CREM: variants seen among roughly 807,000 people sequenced by gnomAD.
CREM encodes the protein cAMP responsive element modulator.
A neutral mutation model predicts 37.3 loss-of-function variants in CREM; 13 were observed. That is an observed-to-expected ratio of 0.35 (90% CI 0.23 to 0.55). The LOEUF (loss-of-function observed/expected upper bound fraction) is 0.55, where lower values mean the gene tolerates loss of function less well. CREM is among the 20% of genes least tolerant of loss of function. CREM has a pLI of 0.88. For missense variants in CREM, 296 were observed against 362.3 expected (o/e 0.82, Z 1.49); for synonymous variants, 124 against 120.2 (o/e 1.03, Z -0.21).
In CREM at chr10:35,168,158, C is replaced by T. The variant is rs181434491; in HGVS notation, c.169-10731C>T. 2.9e-3 allele frequency among the ~76,000 whole-genome samples: 437 copies of T among 152,248 alleles called. 2 individuals carry two copies. The highest frequency in any genetic ancestry group is 9.0e-3 in the African/African-American group (375 of 41,546). On this transcript the variant is annotated intron_variant, in intron 3 of 7. Transcript: ENST00000685392. The stretch of plus-strand genomic sequence containing the variant: ...TCAAATGGTATTTCTAGTTCTAGAT[C>T]CTTGAGGAATCGCCACACTGTCTTC...
In CREM at chr10:35,185,462, C is replaced by T. The variant is rs141079032; in HGVS notation, c.410-2738C>T. Among the ~76,000 whole-genome samples, 999 of 152,212 alleles carry T rather than the reference C, an allele frequency of 6.6e-3. 8 individuals carry two copies. Among genetic ancestry groups the T allele is most frequent in the Admixed American group, 0.011 (172 of 15,272 alleles). ...TGACCTTGGGCTGCTCTTTCTAAAG[C>T]ACTATTTCTGTGACATCAAACTAAT... On this transcript the variant is annotated intron_variant, in intron 5 of 7. Transcript: ENST00000685392.
Position 35,137,890 on chromosome 10 carries a change from G to A in CREM, c.44+11G>A, listed in dbSNP as rs1163328967. On this transcript the variant is annotated intron_variant, in intron 2 of 7. Coordinates refer to ENST00000685392, the MANE Select transcript of CREM (RefSeq NM_183011.2). ...TAAGACAAATCCAAGGTAGGTAGATGTACGTTTTTCTGTTCTTTTGAAAAT... is the reference window on the plus strand; with the variant it reads ...TAAGACAAATCCAAGGTAGGTAGATATACGTTTTTCTGTTCTTTTGAAAAT... 1.3e-6 allele frequency: 2 copies of A among 1,578,512 alleles called. No individual in the cohort carries two copies. The highest frequency in any genetic ancestry group is 1.7e-6 in the Non-Finnish European group (2 of 1,162,302).
At chr10:35,161,797 G>A (rs1467185008) in intron 3 of CREM, among the ~76,000 whole-genome samples, 1 of 152,172 alleles carries the variant, frequency 6.6e-6, no homozygotes, top group Non-Finnish European at 1.5e-5. Flanking sequence ...AGAATATGGA[G>A]AAAAGGGAAC....
At chr10:35,167,514 C>T in intron 3 of CREM, 1 of 566,044 alleles carries the variant, frequency 1.8e-6, no homozygotes, top group Non-Finnish European at 3.1e-6. Context: ...ACTATGACAT[C>T]ATAAACCCCA....
intron 6 of CREM, among the ~76,000 whole-genome samples, chr10:35,206,459 C>T (rs1002876032): frequency 4.6e-5 from 7 of 152,154 alleles, no homozygotes; most frequent in East Asian, 1.9e-4. Context: ...TCCAACTCTA[C>T]GCTCAGGAAA....
At chr10:35,163,849 A>C (rs2505641) in intron 3 of CREM, among the ~76,000 whole-genome samples, 95 of 152,014 alleles carry the variant, frequency 6.2e-4, no homozygotes, top group Non-Finnish European at 1.3e-3. Context: ...ACAAAAAAAA[A>C]CAATTAGTTG....
chr10:35,179,196 C>T lies in CREM; in HGVS notation c.329C>T (p.Ser110Leu). ...GTTCCCAAGATTGAAGAAGAGAGAT[C>T]AGAGGAAGAAGGAACACCACCTAGT... ...PGVPKIEEERSEEEGTPPSIA... is the reference protein window; with the variant it reads ...PGVPKIEEERLEEEGTPPSIA... The change falls in exon 5 of 8, where the codon TCA becomes TTA. Residue 110 changes from serine (S) to leucine (L), a missense_variant. By Grantham distance (145) the Ser-to-Leu change is moderately radical (BLOSUM62 -2). Around this residue, in one of 2 missense-constraint regions of CREM, gnomAD observed 257 missense variants for 280.2 expected, o/e 0.92. Coordinates refer to ENST00000685392, the MANE Select transcript of CREM (RefSeq NM_183011.2). The T allele has an allele frequency of 1.2e-6, 2 of 1,614,038 alleles. No homozygotes were observed. The highest frequency in any genetic ancestry group is 8.5e-7 in the Non-Finnish European group (1 of 1,179,976).
intron 3 of CREM, among the ~76,000 whole-genome samples, chr10:35,158,805 TTTTGTTGTTTTGTTTG>T (rs1364997223): frequency 1.0e-4 from 12 of 118,954 alleles, no homozygotes; most frequent in East Asian, 4.4e-4. Context: ...AGTGTTTTTT[TTTTGTTGTTTTGTTTG>T]TTTTTTTTTT....
chr10:35,192,835 T>TG (rs1261242309), intron 6 of CREM, among the ~76,000 whole-genome samples: 1 of 152,220 alleles, frequency 6.6e-6, no homozygotes, highest in East Asian at 1.9e-4. Context: ...CATCAATGTC[T>TG]GTGACCTGTT....
intron 1 of CREM, among the ~76,000 whole-genome samples, chr10:35,130,480 A>G (rs560006391): frequency 4.6e-5 from 7 of 152,310 alleles, no homozygotes; most frequent in African/African-American, 1.7e-4. Flanking sequence ...TCTTGATACT[A>G]CTTATGGAAA....
intron 3 of CREM, among the ~76,000 whole-genome samples, chr10:35,167,170 A>G (rs1432213292): frequency 6.6e-6 from 1 of 152,138 alleles, no homozygotes; most frequent in African/African-American, 2.4e-5. Context: ...AAAGTGGAAT[A>G]TTTTACATCT....
chr10:35,173,766 G>A (rs1162374649), intron 3 of CREM, among the ~76,000 whole-genome samples: 1 of 152,180 alleles, frequency 6.6e-6, no homozygotes. Flanking sequence ...CTACAAGTCA[G>A]TGTTCCTCCT....
chr10:35,140,938 A>C (rs2091334609), intron 2 of CREM, among the ~76,000 whole-genome samples: 1 of 152,214 alleles, frequency 6.6e-6, no homozygotes, highest in South Asian at 2.1e-4. Flanking sequence ...AGGCTGTAGG[A>C]CTAAAATGGG....
intron 6 of CREM, among the ~76,000 whole-genome samples, chr10:35,197,003 G>T (rs1187725598): frequency 6.6e-6 from 1 of 151,498 alleles, no homozygotes; most frequent in African/African-American, 2.4e-5. Flanking sequence ...CTAAGTAGCT[G>T]GGACTACAGG....
At chr10:35,158,007 C>A (rs1338733716) in intron 3 of CREM, among the ~76,000 whole-genome samples, 1 of 151,832 alleles carries the variant, frequency 6.6e-6, no homozygotes, top group African/African-American at 2.4e-5. Flanking sequence ...GAAAAAAATA[C>A]TTAGAAATAA....
At chr10:35,132,801 T>C (rs1248500573) in intron 1 of CREM, among the ~76,000 whole-genome samples, 1 of 152,228 alleles carries the variant, frequency 6.6e-6, no homozygotes, top group East Asian at 1.9e-4. Flanking sequence ...TTTGGAATTA[T>C]TTCTCTTATA....
At position 35,197,933 on chromosome 10, in the gene CREM, C is replaced by G. The variant is rs1231189886; in HGVS notation, c.599-8962C>G. Reference sequence around the variant, plus strand: ...GCTTGCAAACTTTTCAACCATGACCCACGTTAATTATCACGGCAAAGTGGA... The same window carrying G: ...GCTTGCAAACTTTTCAACCATGACCGACGTTAATTATCACGGCAAAGTGGA... On this transcript the variant is annotated intron_variant, in intron 6 of 7. Coordinates refer to ENST00000685392, the MANE Select transcript of CREM (RefSeq NM_183011.2). Among the ~76,000 whole-genome samples the G allele has an allele frequency of 5.3e-5, 8 of 152,248 alleles. No homozygotes were observed. In the South Asian group the frequency reaches 6.2e-4, roughly 12 times the overall value.
chr10:35,137,418 T>G (rs912052778), intron 1 of CREM, among the ~76,000 whole-genome samples: 1 of 152,188 alleles, frequency 6.6e-6, no homozygotes, highest in Non-Finnish European at 1.5e-5. Flanking sequence ...TTCTTAAAAA[T>G]AGAGCTGATA....
intron 6 of CREM, among the ~76,000 whole-genome samples, chr10:35,202,582 A>G (rs748474815): frequency 3.3e-5 from 5 of 152,150 alleles, no homozygotes; most frequent in Non-Finnish European, 5.9e-5. Flanking sequence ...TTTTAAATGT[A>G]CTTTACTAAT....
Sources: allele counts gnomAD v4.1 joint callset (sites outside exome capture counted in the v4.1 genomes callset), GRCh38; gene constraint gnomAD v4.1.1; regional missense constraint gnomAD v4.1.1; transcripts MANE v1.5; gene names NCBI Gene and HGNC (gene_info 2026-07-23, HGNC 2026-07-21).